Variants in CASR observed in about 807,000 individuals in gnomAD.
CASR encodes extracellular calcium-sensing receptor.
CASR carries 23 observed loss-of-function variants against 69.1 expected under a neutral mutation model. The ratio of observed to expected loss-of-function variants is 0.33; its 90% CI spans 0.24 to 0.47. The LOEUF is 0.47. CASR is among the 20% of genes least tolerant of loss of function. CASR has a pLI of 1.00. For missense variants in CASR, 924 were observed against 1,356.1 expected (o/e 0.68, Z 5.00); for synonymous variants, 541 against 544.7 (o/e 0.99, Z 0.10).
At position 122,248,422 on chromosome 3, in the gene CASR, A is replaced by G. The variant is rs1392871652; in HGVS notation, c.-242-5526A>G. On this transcript the variant is annotated intron_variant, in intron 1 of 6. Coordinates refer to ENST00000639785, the MANE Select transcript of CASR (RefSeq NM_000388.4). Reference sequence around the variant, plus strand: ...TGTTCACCCTCATTAAAACATACACATTTCACCTTTCTGCAATAGTGGCTT... The same window carrying G: ...TGTTCACCCTCATTAAAACATACACGTTTCACCTTTCTGCAATAGTGGCTT... Among the ~76,000 whole-genome samples, 3 of 152,080 alleles carry G rather than the reference A, an allele frequency of 2.0e-5. No individual in the cohort carries two copies. In the East Asian group the frequency reaches 5.8e-4, roughly 29 times the overall value.
In CASR at chr3:122,290,391, A is replaced by G. The variant is rs1462298350; in HGVS notation, c.*5200A>G. 3.9e-5 allele frequency: 6 copies of G among 152,222 alleles called. No individual in the cohort carries two copies. The East Asian group carries it at 9.6e-4, about 24-fold the overall frequency. The allele number at this position is 152,222 out of a possible 1,614,324, so 9.4% of individuals were successfully genotyped here. On this transcript the variant is annotated 3_prime_UTR_variant, in exon 7 of 7. Transcript: ENST00000639785. ...GAATGTGATTGTCTTCGTTGATATCAACCCAAAGATGTGGTTATTGTTCAG... is the reference window on the plus strand; with the variant it reads ...GAATGTGATTGTCTTCGTTGATATCGACCCAAAGATGTGGTTATTGTTCAG...
chr3:122,256,958 A>G, intron 2 of CASR, 123 bp from the exon 3 acceptor site: 1 of 825,802 alleles, frequency 1.2e-6, no homozygotes, highest in Non-Finnish European at 2.0e-6. Flanking sequence ...CTCTGTACAG[A>G]GCATGCCATG....
chr3:122,265,696 C>T (rs773204059), intron 4 of CASR, among the ~76,000 whole-genome samples: 5 of 152,182 alleles, frequency 3.3e-5, no homozygotes, highest in Non-Finnish European at 5.9e-5. Context: ...GCTTTGGTCA[C>T]GTGCCCACTA....
chr3:122,255,228 A>G (rs2074542308), intron 2 of CASR, among the ~76,000 whole-genome samples: 1 of 152,192 alleles, frequency 6.6e-6, no homozygotes, highest in African/African-American at 2.4e-5. Flanking sequence ...TGACTTCTGC[A>G]GAATATGGTT....
At chr3:122,239,696 C>T (rs2074362072) in intron 1 of CASR, among the ~76,000 whole-genome samples, 1 of 152,224 alleles carries the variant, frequency 6.6e-6, no homozygotes, top group Non-Finnish European at 1.5e-5. Context: ...ACCGCACCTC[C>T]AGCTCCAGGA....
chr3:122,184,274 G>T, intron 1 of CASR: 1 of 153,604 alleles, frequency 6.5e-6, no homozygotes, highest in South Asian at 1.9e-4. Context: ...CGGGGAGCAG[G>T]AGAGGGGCGG....
At chr3:122,194,069 T>C (rs1474816458) in intron 1 of CASR, among the ~76,000 whole-genome samples, 1 of 152,124 alleles carries the variant, frequency 6.6e-6, no homozygotes, top group Non-Finnish European at 1.5e-5. Context: ...CCATTTCACA[T>C]GGTGGTACAC....
At chr3:122,243,617 G>T (rs1175650103) in intron 1 of CASR, among the ~76,000 whole-genome samples, 4 of 151,924 alleles carry the variant, frequency 2.6e-5, no homozygotes, top group Non-Finnish European at 4.4e-5. Flanking sequence ...CTGTTTGGAG[G>T]CCCCTCAAAA....
At chr3:122,225,429 G>T (rs1285426389) in intron 1 of CASR, among the ~76,000 whole-genome samples, 1 of 151,176 alleles carries the variant, frequency 6.6e-6, no homozygotes. Context: ...TTTCTCTAAA[G>T]AAGACATACA....
At chr3:122,242,126 C>T (rs1419457793) in intron 1 of CASR, among the ~76,000 whole-genome samples, 1 of 152,026 alleles carries the variant, frequency 6.6e-6, no homozygotes, top group Non-Finnish European at 1.5e-5. Context: ...TGGAAGAGGA[C>T]AAGGATGCCC....
intron 1 of CASR, among the ~76,000 whole-genome samples, chr3:122,203,503 A>G (rs1434475626): frequency 6.6e-6 from 1 of 152,232 alleles, no homozygotes; most frequent in Non-Finnish European, 1.5e-5. Context: ...ACACAGTGAT[A>G]ACTATTTGTC....
At chr3:122,243,570 T>C (rs1287058587) in intron 1 of CASR, among the ~76,000 whole-genome samples, 1 of 152,104 alleles carries the variant, frequency 6.6e-6, no homozygotes, top group Non-Finnish European at 1.5e-5. Context: ...CATACGCTGT[T>C]GGTGGGAATA....
At chr3:122,202,842 T>A (rs2073971285) in intron 1 of CASR, among the ~76,000 whole-genome samples, 1 of 152,228 alleles carries the variant, frequency 6.6e-6, no homozygotes, top group South Asian at 2.1e-4. Context: ...GTGTATGATT[T>A]GAGTACAGAT....
In CASR at chr3:122,285,008, C is replaced by T. The variant is rs371038712; in HGVS notation, c.3054C>T (p.Cys1018=). Reference sequence around the variant, plus strand: ...ACGAGCCATTACTCCCGCTGCAGTGCGGGGAAACGGACTTAGATCTGACCG... The same window carrying T: ...ACGAGCCATTACTCCCGCTGCAGTGTGGGGAAACGGACTTAGATCTGACCG... ...TRHEPLLPLQ[C]GETDLDLTVQ... is the part of the protein sequence containing the mutation. Residue 1018 remains cysteine, a synonymous_variant, in exon 7 of 7, where the codon TGC becomes TGT. Transcript: ENST00000639785. 5 of 1,614,082 alleles carry T rather than the reference C, an allele frequency of 3.1e-6. No homozygotes were observed. The highest frequency in any genetic ancestry group is 2.2e-5 in the East Asian group (1 of 44,898).
chr3:122,212,683 C>G (rs1410806876), intron 1 of CASR, among the ~76,000 whole-genome samples: 1 of 151,422 alleles, frequency 6.6e-6, no homozygotes, highest in African/African-American at 2.4e-5. Flanking sequence ...CTCTTGTTGC[C>G]CAGGCTGAAG....
At chr3:122,240,016 A>G (rs2107614083) in intron 1 of CASR, among the ~76,000 whole-genome samples, 1 of 152,306 alleles carries the variant, frequency 6.6e-6, no homozygotes, top group South Asian at 2.1e-4. Flanking sequence ...AGAGAAAGAT[A>G]TCAGCATTCA....
At chr3:122,235,050 T>C (rs1484797696) in intron 1 of CASR, among the ~76,000 whole-genome samples, 1 of 151,816 alleles carries the variant, frequency 6.6e-6, no homozygotes, top group Non-Finnish European at 1.5e-5. Flanking sequence ...CGCAGGAGAG[T>C]AGAGAAGGAC....
chr3:122,274,041 C>A (rs2074788060), intron 4 of CASR, among the ~76,000 whole-genome samples: 1 of 152,200 alleles, frequency 6.6e-6, no homozygotes. Context: ...TGTCAACCAT[C>A]AGAGAAGGTG....
At chr3:122,196,202 TG>T (rs2073887218) in intron 1 of CASR, among the ~76,000 whole-genome samples, 1 of 152,132 alleles carries the variant, frequency 6.6e-6, no homozygotes, top group Non-Finnish European at 1.5e-5. Flanking sequence ...TATAAACACA[TG>T]GTATGGTATG....
Sources: allele counts gnomAD v4.1 joint callset (sites outside exome capture counted in the v4.1 genomes callset), GRCh38; gene constraint gnomAD v4.1.1; transcripts MANE v1.5; gene names NCBI Gene and HGNC (gene_info 2026-07-23, HGNC 2026-07-21).